ROR2: variants seen among roughly 807,000 people sequenced by gnomAD.
The protein encoded by ROR2 is ROR family WNT receptor 2, also known as tyrosine-protein kinase transmembrane receptor ROR2.
Under a neutral mutation model 74.9 loss-of-function variants are expected in ROR2, and 33 were observed. The ratio of observed to expected loss-of-function variants is 0.44; its 90% CI spans 0.33 to 0.59. The LOEUF (loss-of-function observed/expected upper bound fraction) is 0.59. Ranked by LOEUF, ROR2 falls within the 20% of genes least tolerant of loss-of-function variation. ROR2 has a pLI of 0.02. For missense variants in ROR2, 1,216 were observed against 1,313.8 expected (o/e 0.93, Z 1.15); for synonymous variants, 586 against 558.7 (o/e 1.05, Z -0.69).
At chr9:91,805,215 C>T (rs561203276) in intron 1 of ROR2, among the ~76,000 whole-genome samples, 1 of 152,348 alleles carries the variant, frequency 6.6e-6, no homozygotes, top group East Asian at 1.9e-4. Context: ...CTCTGGACAC[C>T]TTTGCTCGGC....
At chr9:91,786,504 A>G (rs540848242) in intron 1 of ROR2, among the ~76,000 whole-genome samples, 1 of 152,248 alleles carries the variant, frequency 6.6e-6, no homozygotes, top group South Asian at 2.1e-4. Context: ...AACCTGCTGA[A>G]CCTTGATAAG....
rs76654563 is a variant in ROR2 at position 91,785,242 on chromosome 9, C to T, written c.98-9424G>A. ...TGCTTCCCCATATGTGCATGTGGTT[C>T]GACGCCTCACTTGTTTCAGGGTCCC... On this transcript the variant is annotated intron_variant, in intron 1 of 8. Transcript: ENST00000375708. Among the ~76,000 whole-genome samples the T allele has an allele frequency of 2.5e-3, 379 of 152,284 alleles. 2 individuals are homozygous for T. Among genetic ancestry groups the T allele is most frequent in the African/African-American group, 8.2e-3 (340 of 41,550 alleles).
At chr9:91,728,733 A>C (rs989690431) in intron 7 of ROR2, among the ~76,000 whole-genome samples, 18 of 152,326 alleles carry the variant, frequency 1.2e-4, no homozygotes, top group African/African-American at 4.1e-4. Context: ...ACCCGGCCTA[A>C]ATGAACTTGA....
intron 1 of ROR2, among the ~76,000 whole-genome samples, chr9:91,787,978 G>C (rs1826855382): frequency 6.6e-6 from 1 of 152,188 alleles, no homozygotes; most frequent in Non-Finnish European, 1.5e-5. Flanking sequence ...GATATGTGAA[G>C]AATTTTAAAT....
chr9:91,763,449 A>T (rs995389353), intron 2 of ROR2, among the ~76,000 whole-genome samples: 1 of 152,244 alleles, frequency 6.6e-6, no homozygotes, highest in Non-Finnish European at 1.5e-5. Flanking sequence ...TATCTGAGTT[A>T]AAGTGCTTCC....
At chr9:91,893,132 C>A (rs1464583875) in intron 1 of ROR2, among the ~76,000 whole-genome samples, 2 of 152,162 alleles carry the variant, frequency 1.3e-5, no homozygotes, top group Non-Finnish European at 2.9e-5. Context: ...ATGCCTGGCA[C>A]TGGAAGATAC....
intron 1 of ROR2, among the ~76,000 whole-genome samples, chr9:91,909,710 G>C (rs923171639): frequency 6.6e-6 from 1 of 151,188 alleles, no homozygotes; most frequent in Non-Finnish European, 1.5e-5. Context: ...TCCATCTATG[G>C]GTTTTAATAT....
At position 91,742,458 on chromosome 9, in the gene ROR2, G is replaced by A. The variant is rs144712672; in HGVS notation, c.495-4940C>T. 1.2e-3 allele frequency among the ~76,000 whole-genome samples: 185 copies of A among 152,280 alleles called. 4 individuals carry two copies. The East Asian group carries it at 0.03, about 25-fold the overall frequency. On this transcript the variant is annotated intron_variant, in intron 4 of 8. Transcript: ENST00000375708. ...ACAGAAGAAGGTGTAGTGAAGATGT[G>A]GGGTATTTCAGGAGGGATGGAAACT...
intron 1 of ROR2, among the ~76,000 whole-genome samples, chr9:91,888,773 G>A (rs115643280): frequency 0.012 from 1,776 of 152,336 alleles, 36 homozygotes; most frequent in African/African-American, 0.041. Context: ...AGACTGGAAA[G>A]GGGCTGGCAA....
chr9:91,824,158 A>G (rs1321233372), intron 1 of ROR2, among the ~76,000 whole-genome samples: 1 of 152,238 alleles, frequency 6.6e-6, no homozygotes, highest in Non-Finnish European at 1.5e-5. Context: ...CGACCAGGCC[A>G]CCTTCCCAGA....
At chr9:91,915,211 G>A (rs1271451902) in intron 1 of ROR2, among the ~76,000 whole-genome samples, 2 of 152,156 alleles carry the variant, frequency 1.3e-5, no homozygotes, top group African/African-American at 4.8e-5. Flanking sequence ...GCACAGGACC[G>A]TGAAGGGAAC....
intron 1 of ROR2, among the ~76,000 whole-genome samples, chr9:91,928,345 T>C (rs1831464105): frequency 6.6e-6 from 1 of 152,204 alleles, no homozygotes; most frequent in South Asian, 2.1e-4. Flanking sequence ...CTGCGTGGCA[T>C]GGCAGGTACC....
chr9:91,933,581 T>C (rs981163806), intron 1 of ROR2, among the ~76,000 whole-genome samples: 1 of 152,204 alleles, frequency 6.6e-6, no homozygotes, highest in Non-Finnish European at 1.5e-5. Context: ...TAGCCTGGCA[T>C]GTACTAATAC....
intron 1 of ROR2, among the ~76,000 whole-genome samples, chr9:91,940,151 G>A (rs79492899): frequency 0.013 from 1,947 of 152,328 alleles, 23 homozygotes; most frequent in Middle Eastern, 0.027. Flanking sequence ...CCCGCTGTGC[G>A]CAAATCAAGT....
intron 1 of ROR2, among the ~76,000 whole-genome samples, chr9:91,910,529 A>G (rs751406192): frequency 1.3e-4 from 20 of 152,272 alleles, no homozygotes; most frequent in Non-Finnish European, 2.1e-4. Context: ...CAACCAACAG[A>G]GTGAAAACAC....
At chr9:91,743,926 T>C (rs1825324768) in intron 4 of ROR2, among the ~76,000 whole-genome samples, 1 of 152,254 alleles carries the variant, frequency 6.6e-6, no homozygotes, top group African/African-American at 2.4e-5. Context: ...CATGGCTTTA[T>C]TTATAATTGC....
intron 4 of ROR2, among the ~76,000 whole-genome samples, chr9:91,751,207 G>A (rs775208242): frequency 6.6e-6 from 1 of 151,978 alleles, no homozygotes; most frequent in Admixed American, 6.6e-5. Context: ...ACCTTCACTC[G>A]GCAGTCAATG....
At chr9:91,873,744 T>C (rs750453813) in intron 1 of ROR2, among the ~76,000 whole-genome samples, 6 of 152,130 alleles carry the variant, frequency 3.9e-5, no homozygotes, top group African/African-American at 2.4e-5. Flanking sequence ...GCAATATATA[T>C]AGCTGTGTTG....
chr9:91,909,123 T>G (rs1333263433), intron 1 of ROR2, among the ~76,000 whole-genome samples: 1 of 152,160 alleles, frequency 6.6e-6, no homozygotes, highest in African/African-American at 2.4e-5. Context: ...AAAATGAAAA[T>G]TGCTTGCTAA....
Sources: allele counts gnomAD v4.1 joint callset (sites outside exome capture counted in the v4.1 genomes callset), GRCh38; gene constraint gnomAD v4.1.1; transcripts MANE v1.5; gene names NCBI Gene and HGNC (gene_info 2026-07-23, HGNC 2026-07-21).